CSNK2A2IP: variants seen among roughly 807,000 people sequenced by gnomAD.
CSNK2A2IP encodes the protein casein kinase II subunit alpha'-interacting protein.
the CSNK2A2IP span, among the ~76,000 whole-genome samples, chr3:88,365,286 T>A: frequency 6.6e-6 from 1 of 152,178 alleles, no homozygotes; most frequent in East Asian, 1.9e-4. Flanking sequence ...TTGAAGTGAA[T>A]GTAGTTAGAA....
At chr3:88,354,950 C>A in the CSNK2A2IP span, among the ~76,000 whole-genome samples, 3 of 151,996 alleles carry the variant, frequency 2.0e-5, no homozygotes, top group Non-Finnish European at 2.9e-5. Flanking sequence ...GCAAAGTGTT[C>A]TTGGGGAGAA....
At chr3:88,423,223 A>T in the CSNK2A2IP span, among the ~76,000 whole-genome samples, 4 of 152,334 alleles carry the variant, frequency 2.6e-5, no homozygotes, top group African/African-American at 7.2e-5. Flanking sequence ...CATTTTTTAA[A>T]TTCATTGTCC....
chr3:88,406,527 C>G, the CSNK2A2IP span, among the ~76,000 whole-genome samples: 1 of 152,126 alleles, frequency 6.6e-6, no homozygotes, highest in Non-Finnish European at 1.5e-5. Context: ...AAGAAACACT[C>G]AACATTCAAT....
the CSNK2A2IP span, among the ~76,000 whole-genome samples, chr3:88,348,038 G>A: frequency 1.3e-5 from 2 of 151,856 alleles, no homozygotes; most frequent in Non-Finnish European, 2.9e-5. Flanking sequence ...TTTCACCTGG[G>A]TTTCCTTATC....
chr3:88,449,854 C>CACACACACACACAT, the CSNK2A2IP span, among the ~76,000 whole-genome samples: 6 of 84,358 alleles, frequency 7.1e-5, no homozygotes, highest in African/African-American at 2.0e-4. Flanking sequence ...CACACACACA[C>CACACACACACACAT]ATATATATAT....
At chr3:88,459,609 G>A in the CSNK2A2IP span, among the ~76,000 whole-genome samples, 20 of 152,146 alleles carry the variant, frequency 1.3e-4, no homozygotes, top group Admixed American at 3.3e-4. Context: ...ATGCAGTAGT[G>A]ATAGTAAATA....
the CSNK2A2IP span, chr3:88,338,724 T>C: frequency 2.6e-5 from 4 of 152,052 alleles, no homozygotes; most frequent in African/African-American, 9.7e-5. Flanking sequence ...TGTGTGCATA[T>C]GTATGTATGA....
the CSNK2A2IP span, among the ~76,000 whole-genome samples, chr3:88,376,859 C>T: frequency 6.6e-6 from 1 of 151,722 alleles, no homozygotes; most frequent in African/African-American, 2.4e-5. Flanking sequence ...AATTCTTATC[C>T]TCTTTAACCA....
the CSNK2A2IP span, among the ~76,000 whole-genome samples, chr3:88,425,720 T>C: frequency 1.3e-5 from 2 of 152,168 alleles, no homozygotes; most frequent in Non-Finnish European, 2.9e-5. Context: ...AGCATTGGTA[T>C]AACTTTTAGT....
chr3:88,383,651 C>CTTTTTTTTTT, the CSNK2A2IP span, among the ~76,000 whole-genome samples: 3 of 88,552 alleles, frequency 3.4e-5, no homozygotes, highest in African/African-American at 1.4e-4. Flanking sequence ...TCTTTTCTTT[C>CTTTTTTTTTT]TTTTTTTTTT....
At chr3:88,451,798 T>G in the CSNK2A2IP span, among the ~76,000 whole-genome samples, 1 of 151,892 alleles carries the variant, frequency 6.6e-6, no homozygotes, top group East Asian at 1.9e-4. Flanking sequence ...TCCAGAACAC[T>G]TTCTTCCTTA....
At chr3:88,418,829 G>A in the CSNK2A2IP span, among the ~76,000 whole-genome samples, 1 of 152,102 alleles carries the variant, frequency 6.6e-6, no homozygotes, top group Non-Finnish European at 1.5e-5. Flanking sequence ...TCTGTGGCCT[G>A]TTAGGAGCTG....
the CSNK2A2IP span, among the ~76,000 whole-genome samples, chr3:88,456,746 T>C: frequency 0.079 from 11,961 of 151,874 alleles, 822 homozygotes; most frequent in East Asian, 0.21. Context: ...TATACACTTT[T>C]GTCAAAAAAT....
At chr3:88,454,244 C>G in the CSNK2A2IP span, among the ~76,000 whole-genome samples, 4 of 151,958 alleles carry the variant, frequency 2.6e-5, no homozygotes, top group African/African-American at 9.6e-5. Context: ...GAGAACTGTT[C>G]AAATATTTAG....
chr3:88,410,078 TC>T, the CSNK2A2IP span, among the ~76,000 whole-genome samples: 35 of 152,158 alleles, frequency 2.3e-4, 2 homozygotes, highest in African/African-American at 8.2e-4. Context: ...TCTGAAGTCT[TC>T]AATAGAAAGA....
At chr3:88,446,353 G>T in the CSNK2A2IP span, among the ~76,000 whole-genome samples, 3 of 152,040 alleles carry the variant, frequency 2.0e-5, no homozygotes, top group Admixed American at 6.6e-5. Context: ...CTCCCAAAGT[G>T]CTAGGATTAC....
chr3:88,426,897 G>A, the CSNK2A2IP span, among the ~76,000 whole-genome samples: 1 of 151,444 alleles, frequency 6.6e-6, no homozygotes, highest in Non-Finnish European at 1.5e-5. Context: ...GATGGGGGGG[G>A]GCGGTGGGGT....
At chr3:88,457,756 C>CAAATT in the CSNK2A2IP span, among the ~76,000 whole-genome samples, 1 of 98,116 alleles carries the variant, frequency 1.0e-5, no homozygotes, top group East Asian at 2.6e-4. Flanking sequence ...AAAATAAAAT[C>CAAATT]TAGTAGTTTT....
At chr3:88,380,561 C>T in the CSNK2A2IP span, among the ~76,000 whole-genome samples, 1 of 151,662 alleles carries the variant, frequency 6.6e-6, no homozygotes, top group Non-Finnish European at 1.5e-5. Context: ...ATTTAAATAA[C>T]ACTAAAACCT....
Sources: allele counts gnomAD v4.1 joint callset (sites outside exome capture counted in the v4.1 genomes callset), GRCh38; gene constraint gnomAD v4.1.1; transcripts MANE v1.5; gene names NCBI Gene and HGNC (gene_info 2026-07-23, HGNC 2026-07-21).